The following COCH variants were observed in gnomAD, a reference collection of about 807,000 sequenced individuals.
COCH encodes cochlin, also known as coagulation factor C homolog, cochlin (Limulus polyphemus).
A neutral mutation model predicts 54.8 loss-of-function variants in COCH; 40 were observed. That is an observed-to-expected ratio of 0.73 (90% CI 0.57 to 0.95). The LOEUF is 0.95. Among genes scored for constraint, COCH ranks in the 40% least tolerant of loss-of-function variants. COCH has a pLI of 0.00. For missense variants in COCH, 605 were observed against 675.0 expected, an observed-to-expected ratio of 0.90 and a Z score of 1.15; for synonymous variants, 256 against 237.9, an observed-to-expected ratio of 1.08 and a Z score of -0.70.
intron 3 of COCH, chr14:30,875,499 G>A (rs958570568): frequency 3.9e-6 from 2 of 509,746 alleles, no homozygotes; most frequent in Non-Finnish European, 6.8e-6. Context: ...AGGAGAAGCC[G>A]CCCAGACCCG....
rs1389680320 is a variant in COCH, at chr14:30,884,594, C to T, written c.671C>T (p.Ser224Leu). The change falls in exon 9 of 12, where the codon TCA becomes TTA. Residue 224 changes from serine to leucine, a missense_variant. Ser to Leu is a moderately radical substitution (Grantham distance 145). Coordinates refer to ENST00000396618, the MANE Select transcript of COCH (RefSeq NM_004086.3). ...KIEFYLKNFT[S>L]AKDVLFAIKE... is the part of the protein sequence containing the mutation. Reference sequence around the variant, plus strand: ...GAATTTTACTTGAAAAACTTTACATCAGCCAAAGATGTTTTGTTTGCCATA... The same window carrying T: ...GAATTTTACTTGAAAAACTTTACATTAGCCAAAGATGTTTTGTTTGCCATA... 6.2e-7 allele frequency: 1 copy of T among 1,613,738 alleles called. No homozygotes were observed. Among genetic ancestry groups the T allele is most frequent in the Non-Finnish European group, 8.5e-7 (1 of 1,179,768 alleles).
chr14:30,894,119 T>C (rs1896064819), downstream of COCH: 1 of 152,542 alleles, frequency 6.6e-6, no homozygotes, highest in African/African-American at 2.4e-5. Flanking sequence ...AGTTACACCA[T>C]AAAATTAAGC....
rs1895790326 is a variant in COCH at position 30,886,325 on chromosome 14, T to A, written c.1477+13T>A. On this transcript the variant is annotated intron_variant, in intron 11 of 11. Coordinates refer to ENST00000396618, the MANE Select transcript of COCH (RefSeq NM_004086.3). ...GCACATGATGCAGGTAAGGTCCTTG[T>A]TCTTTATAGGAGAAGGGAACAGAAA... is the stretch of plus-strand genomic sequence containing the variant. 1 of 1,613,828 alleles carries A rather than the reference T, an allele frequency of 6.2e-7. No individual in the cohort carries two copies. The highest frequency in any genetic ancestry group is 1.7e-5 in the Admixed American group (1 of 59,984).
chr14:30,882,178 G>A (rs1297188869), intron 8 of COCH, among the ~76,000 whole-genome samples: 1 of 118,534 alleles, frequency 8.4e-6, no homozygotes, highest in Non-Finnish European at 1.6e-5. Context: ...CACCGAGGCT[G>A]GAATGCAATG....
At position 30,878,828 on chromosome 14, in the gene COCH, C is replaced by T. The variant is rs749386539; in HGVS notation, c.257C>T (p.Ser86Leu). 15 of 1,614,004 alleles carry T rather than the reference C, an allele frequency of 9.3e-6. No individual in the cohort carries two copies. The highest frequency in any genetic ancestry group is 1.3e-5 in the Non-Finnish European group (15 of 1,180,028). The change falls in exon 5 of 12, where the codon TCA (serine) becomes TTA (leucine). Residue 86 changes from serine (S) to leucine (L), a missense_variant. Ser to Leu is a moderately radical substitution (Grantham distance 145, BLOSUM62 -2). Transcript: ENST00000396618. ...TGTTACAGGGGAGTAATCAGCAACT[C>T]AGGGGGACCTGTACGAGTCTATAGC... ...AAVHRGVISN[S>L]GGPVRVYSLP... is the part of the protein sequence containing the mutation.
At chr14:30,884,913 T>C (rs1170863076) in intron 9 of COCH, 4 of 1,596,194 alleles carry the variant, frequency 2.5e-6, no homozygotes, top group African/African-American at 1.3e-5. Flanking sequence ...TGACTAGATA[T>C]AACATTGGAG....
chr14:30,894,296 TA>T (rs1199257740), downstream of COCH: 1 of 152,406 alleles, frequency 6.6e-6, no homozygotes, highest in Non-Finnish European at 1.5e-5. Context: ...ATATATATCT[TA>T]GGGGGAACCA....
At chr14:30,875,361 T>C in intron 3 of COCH, 1 of 609,964 alleles carries the variant, frequency 1.6e-6, no homozygotes, top group Non-Finnish European at 2.9e-6. Context: ...GAAGGCCTCC[T>C]CCAGGCCCAC....
At chr14:30,883,600 TAC>T (rs1232018500) in intron 8 of COCH, among the ~76,000 whole-genome samples, 1 of 152,210 alleles carries the variant, frequency 6.6e-6, no homozygotes, top group African/African-American at 2.4e-5. Context: ...TATGCAGAAA[TAC>T]AGTCAGTGTT....
intron 3 of COCH, 82 bp downstream of exon 3, chr14:30,875,185 C>G: frequency 6.5e-7 from 1 of 1,528,374 alleles, no homozygotes; most frequent in Non-Finnish European, 8.8e-7. Flanking sequence ...GATCCAGCCC[C>G]TTGGGCTTCA....
At chr14:30,884,949 G>T (rs372932513) in intron 9 of COCH, 22 of 1,598,012 alleles carry the variant, frequency 1.4e-5, no homozygotes, top group Non-Finnish European at 1.8e-5. Flanking sequence ...ATGCTAAAAA[G>T]AAGTGAAAAT....
chr14:30,877,328 A>T lies in COCH; in HGVS notation c.83-244A>T. The T allele has an allele frequency of 2.1e-6, 1 of 479,306 alleles. No homozygotes were observed. Among genetic ancestry groups the T allele is most frequent in the Non-Finnish European group, 3.7e-6 (1 of 268,514 alleles). 29.7% of individuals were successfully genotyped at this position (479,306 alleles called of 1,614,324 possible). On this transcript the variant is annotated intron_variant, in intron 3 of 11. Coordinates refer to ENST00000396618, the MANE Select transcript of COCH (RefSeq NM_004086.3). The surrounding 1 kb of genome is among the most constrained non-coding windows in gnomAD (Gnocchi z 8.6). ...GCGAGTCCCCATTTCAAAAACAAAA[A>T]CGAAATAAAAACCCAGAACTTTCAC...
rs745321921 is a variant in COCH, at chr14:30,880,693, A to G, written c.588A>G (p.Gly196=). 3.7e-6 allele frequency: 6 copies of G among 1,614,080 alleles called. No individual in the cohort carries two copies. In the South Asian group the frequency reaches 6.6e-5, roughly 18 times the overall value. Residue 196 remains glycine (G), a synonymous_variant, in exon 8 of 12, where the codon GGA becomes GGG. Coordinates refer to ENST00000396618, the MANE Select transcript of COCH (RefSeq NM_004086.3). The part of the protein sequence containing the change: ...NFVGKVALML[G]IGTEGPHVGL... Reference sequence around the variant, plus strand: ...TTGGAAAAGTGGCTCTAATGTTGGGAATTGGAACAGAAGGACCACATGTGG... The same window carrying G: ...TTGGAAAAGTGGCTCTAATGTTGGGGATTGGAACAGAAGGACCACATGTGG...
At chr14:30,893,710 T>C (rs984910844), downstream of COCH, 15 of 152,576 alleles carry the variant, frequency 9.8e-5, no homozygotes, top group African/African-American at 3.1e-4. Context: ...TTAGACATTA[T>C]TAATAGTGTT....
In COCH at chr14:30,886,134, C is replaced by T. The variant is rs2138878158; in HGVS notation, c.1299C>T (p.Val433=). The change falls in exon 11 of 12, where the codon GTC becomes GTT. Residue 433 remains valine, a synonymous_variant. Transcript: ENST00000396618. ...GCACCAAAGAGAATGTCCTAGCTGT[C>T]ATCAGAAACATCCGCTATATGAGTG... ...DYSTKENVLA[V]IRNIRYMSGG... is the part of the protein sequence containing the mutation. 1 of 1,612,798 alleles carries T rather than the reference C, an allele frequency of 6.2e-7. No homozygotes were observed. The highest frequency in any genetic ancestry group is 1.1e-5 in the South Asian group (1 of 91,068).
chr14:30,880,520 G>A, intron 7 of COCH, 24 bp downstream of exon 7: 1 of 1,614,056 alleles, frequency 6.2e-7, no homozygotes, highest in Non-Finnish European at 8.5e-7. Flanking sequence ...TCTCCATTTG[G>A]GAAGGTAGCA....
chr14:30,879,303 T>C (rs1895485515), intron 5 of COCH, 120 bp from the exon 6 acceptor site: 1 of 1,004,740 alleles, frequency 1.0e-6, no homozygotes, highest in Non-Finnish European at 1.5e-6. Context: ...AGCAGGATGT[T>C]TGTAACTACA....
At chr14:30,895,044 C>A, downstream of COCH, 1 of 54,794 alleles carries the variant, frequency 1.8e-5, no homozygotes, top group South Asian at 4.1e-4. Flanking sequence ...TAAGGCAGCA[C>A]ACAGAGTCCA....
At chr14:30,884,997 G>T in intron 9 of COCH, 3 of 1,598,404 alleles carry the variant, frequency 1.9e-6, no homozygotes, top group Non-Finnish European at 2.5e-6. Context: ...GTGGCAGAAA[G>T]AATGAGTAGC....
Sources: gnomAD v4.1 joint callset for allele counts (sites outside exome capture counted in the v4.1 genomes callset) on GRCh38, gnomAD v4.1.1 for gene constraint, Gnocchi (gnomAD v3.1) non-coding constraint, MANE v1.5 for transcripts, NCBI Gene and HGNC (gene_info 2026-07-23, HGNC 2026-07-21) for gene names.